Variants in GRM5 observed in about 807,000 individuals in gnomAD.
GRM5 encodes metabotropic glutamate receptor 5.
GRM5 carries 19 observed loss-of-function variants against 83.1 expected under a neutral mutation model. The observed-to-expected ratio is 0.23, with a 90% CI of 0.16 to 0.34. GRM5 has a LOEUF of 0.34. GRM5 is among the 10% of genes least tolerant of loss of function. The pLI, the probability that GRM5 is intolerant of heterozygous loss-of-function variation, is 1.00. For synonymous variants in GRM5, 675 were observed against 633.6 expected, an observed-to-expected ratio of 1.07 and a Z score of -0.98; for missense variants, 1,160 against 1,588.3, an observed-to-expected ratio of 0.73 and a Z score of 4.58.
intron 1 of GRM5, among the ~76,000 whole-genome samples, chr11:89,051,031 G>A (rs1409387580): frequency 6.6e-6 from 1 of 151,912 alleles, no homozygotes; most frequent in Non-Finnish European, 1.5e-5. Flanking sequence ...GAAATAATAC[G>A]TACAACAAAT....
At chr11:88,994,445 T>TTATATATATATA (rs58154444) in intron 2 of GRM5, among the ~76,000 whole-genome samples, 1 of 86,902 alleles carries the variant, frequency 1.2e-5, no homozygotes, top group Non-Finnish European at 2.3e-5. Context: ...CTTTAACTGA[T>TTATATATATATA]TATATATATA....
chr11:88,556,265 T>G (rs1204572940), intron 8 of GRM5, among the ~76,000 whole-genome samples: 2 of 151,870 alleles, frequency 1.3e-5, no homozygotes, highest in Non-Finnish European at 2.9e-5. Flanking sequence ...ACCCCAGGAT[T>G]AGTGAAAAGA....
chr11:89,000,309 T>A (rs1248926736), intron 2 of GRM5, among the ~76,000 whole-genome samples: 2 of 152,168 alleles, frequency 1.3e-5, no homozygotes, highest in Non-Finnish European at 2.9e-5. Flanking sequence ...CTCCCTGGTT[T>A]CAAGTTTTAT....
At chr11:88,671,567 T>C (rs1381561076) in intron 3 of GRM5, among the ~76,000 whole-genome samples, 1 of 152,042 alleles carries the variant, frequency 6.6e-6, no homozygotes, top group African/African-American at 2.4e-5. Context: ...AGTTTATTTA[T>C]ATAATACAGT....
intron 6 of GRM5, among the ~76,000 whole-genome samples, chr11:88,593,803 T>C (rs1189973931): frequency 2.0e-5 from 3 of 148,112 alleles, no homozygotes; most frequent in African/African-American, 7.4e-5. Context: ...TTTTTCTCTT[T>C]CTTTCTTTTT....
chr11:88,698,607 G>C (rs1358688368), intron 3 of GRM5, among the ~76,000 whole-genome samples: 1 of 152,134 alleles, frequency 6.6e-6, no homozygotes, highest in Non-Finnish European at 1.5e-5. Flanking sequence ...ATTTGATCTA[G>C]TTACTGCCAC....
At chr11:88,802,185 C>A (rs1181815257) in intron 3 of GRM5, among the ~76,000 whole-genome samples, 8 of 152,062 alleles carry the variant, frequency 5.3e-5, no homozygotes, top group Non-Finnish European at 8.8e-5. Context: ...AGACAAAGAA[C>A]TAAGAAAAAC....
intron 2 of GRM5, among the ~76,000 whole-genome samples, chr11:88,904,698 C>T (rs1945373874): frequency 6.6e-6 from 1 of 152,042 alleles, no homozygotes; most frequent in Admixed American, 6.6e-5. Flanking sequence ...ATATTCCATC[C>T]TATATGTGCA....
At chr11:88,916,384 C>A (rs553357261) in intron 2 of GRM5, among the ~76,000 whole-genome samples, 1 of 152,188 alleles carries the variant, frequency 6.6e-6, no homozygotes, top group Admixed American at 6.5e-5. Context: ...TTTGAGACTT[C>A]ACATTATAAC....
At chr11:88,709,393 G>T (rs959592486) in intron 3 of GRM5, among the ~76,000 whole-genome samples, 2 of 151,996 alleles carry the variant, frequency 1.3e-5, no homozygotes, top group African/African-American at 4.8e-5. Flanking sequence ...TTTTTCTGAA[G>T]AATAAGAAAT....
chr11:88,716,928 T>C (rs1941412469), intron 3 of GRM5, among the ~76,000 whole-genome samples: 1 of 152,014 alleles, frequency 6.6e-6, no homozygotes, highest in South Asian at 2.1e-4. Flanking sequence ...CCCACTGTTT[T>C]ATTTGGTTTG....
intron 2 of GRM5, among the ~76,000 whole-genome samples, chr11:88,870,770 A>C (rs1375098711): frequency 6.6e-6 from 1 of 151,516 alleles, no homozygotes; most frequent in African/African-American, 2.4e-5. Flanking sequence ...AGGTCTGGGC[A>C]GTGGGGGATA....
At chr11:88,795,874 G>C (rs1477674055) in intron 3 of GRM5, among the ~76,000 whole-genome samples, 1 of 152,168 alleles carries the variant, frequency 6.6e-6, no homozygotes, top group Non-Finnish European at 1.5e-5. Flanking sequence ...TTGTGTAGGA[G>C]AGCCCTGGAG....
Position 88,589,838 on chromosome 11 carries a change from A to G in GRM5, c.1690+763T>C, listed in dbSNP as rs950978738. On this transcript the variant is annotated intron_variant, in intron 7 of 9. Coordinates refer to ENST00000305447, the MANE Select transcript of GRM5 (RefSeq NM_001143831.3). ...ATTAATCTGTGAACTTCATTAAGAT[A>G]GAGGTAGTACTTTTATTTCTATATT... Among the ~76,000 whole-genome samples, 9 of 152,182 alleles carry G rather than the reference A, an allele frequency of 5.9e-5. No homozygotes were observed. The East Asian group carries it at 1.3e-3, about 23-fold the overall frequency.
intron 3 of GRM5, among the ~76,000 whole-genome samples, chr11:88,835,261 T>G (rs1944073026): frequency 1.3e-5 from 2 of 152,200 alleles, no homozygotes; most frequent in South Asian, 4.1e-4. Flanking sequence ...GACAGGGAAG[T>G]AATTCCAGGG....
intron 3 of GRM5, among the ~76,000 whole-genome samples, chr11:88,657,151 T>G (rs1182598522): frequency 6.6e-6 from 1 of 152,168 alleles, no homozygotes; most frequent in Admixed American, 6.6e-5. Context: ...AAAACAAGGT[T>G]ATGTTTTGAC....
chr11:88,842,714 G>A (rs1328833980), intron 3 of GRM5, among the ~76,000 whole-genome samples: 2 of 151,748 alleles, frequency 1.3e-5, no homozygotes, highest in Non-Finnish European at 2.9e-5. Context: ...CAACCTAAAT[G>A]CTGAGGTCCC....
chr11:88,958,448 T>A (rs2134980217), intron 2 of GRM5, among the ~76,000 whole-genome samples: 1 of 152,024 alleles, frequency 6.6e-6, no homozygotes, highest in Non-Finnish European at 1.5e-5. Flanking sequence ...CAATAAATTT[T>A]GTCTTATAAA....
chr11:89,036,538 G>A (rs1282365050), intron 2 of GRM5, among the ~76,000 whole-genome samples: 1 of 151,952 alleles, frequency 6.6e-6, no homozygotes, highest in Non-Finnish European at 1.5e-5. Flanking sequence ...TTGATACTAA[G>A]TGCTTTATAT....
Sources: allele counts gnomAD v4.1 joint callset (sites outside exome capture counted in the v4.1 genomes callset), GRCh38; gene constraint gnomAD v4.1.1; transcripts MANE v1.5; gene names NCBI Gene and HGNC (gene_info 2026-07-23, HGNC 2026-07-21).